SPINT1: variants seen among roughly 807,000 people sequenced by gnomAD.
SPINT1 encodes kunitz-type protease inhibitor 1.
SPINT1 carries 38 observed loss-of-function variants against 53.7 expected under a neutral mutation model. The observed-to-expected ratio is 0.71, with a 90% CI of 0.55 to 0.93. The LOEUF (loss-of-function observed/expected upper bound fraction) is 0.93, where lower values mean the gene tolerates loss of function less well. SPINT1 is among the 40% of genes least tolerant of loss of function. The pLI is 0.00. For missense variants in SPINT1, 645 were observed against 692.9 expected, an observed-to-expected ratio of 0.93 and a Z score of 0.78; for synonymous variants, 283 against 280.6, an observed-to-expected ratio of 1.01 and a Z score of -0.08.
intron 8 of SPINT1, 104 bp downstream of exon 8, chr15:40,854,793 T>C: frequency 6.9e-7 from 1 of 1,443,940 alleles, no homozygotes; most frequent in South Asian, 1.2e-5. Flanking sequence ...TGTACGGGCC[T>C]GTGGGCACAA....
rs779633506 is a variant in SPINT1 at position 40,844,855 on chromosome 15, C to G, written c.301C>G (p.Leu101Val). The G allele has an allele frequency of 1.2e-6, 2 of 1,613,898 alleles. No homozygotes were observed. Among genetic ancestry groups the G allele is most frequent in the South Asian group, 1.1e-5 (1 of 91,084 alleles). ...CCTTQNCNLA[L>V]VELQPDRGED... The stretch of plus-strand genomic sequence containing the variant: ...CACCACCCAGAACTGCAACTTGGCG[C>G]TAGTGGAGCTGCAGCCCGACCGCGG... The change falls in exon 2 of 11, where the codon CTA (leucine) becomes GTA (valine). Residue 101 changes from leucine (L) to valine (V), a missense_variant. Physicochemically the swap from Leu to Val is conservative, Grantham distance 32. Coordinates refer to ENST00000562057, the MANE Select transcript of SPINT1 (RefSeq NM_003710.4). This position sits in a 1 kb window ranked among gnomAD's most constrained non-coding sequence, Gnocchi z 5.8.
Position 40,854,486 on chromosome 15 carries a change from T to A in SPINT1, c.1030T>A (p.Cys344Ser), listed in dbSNP as rs1318923792. Residue 344 changes from cysteine (C) to serine (S), a missense_variant, in exon 7 of 11, where the codon TGC becomes AGC. Transcript: ENST00000562057. ...SFLECDDTPN[C>S]PDASDEAACE... is the part of the protein sequence containing the mutation. ...CCTGGAGTGTGACGACACCCCCAAC[T>A]GCCCCGACGCCTCCGACGAGGCTGC... 1 of 1,613,346 alleles carries A rather than the reference T, an allele frequency of 6.2e-7. No individual in the cohort carries two copies. Among genetic ancestry groups the A allele is most frequent in the Admixed American group, 1.7e-5 (1 of 59,846 alleles).
In SPINT1 at chr15:40,853,407, T is replaced by C. The variant is rs955874997; in HGVS notation, c.604-82T>C. 12 of 1,608,264 alleles carry C rather than the reference T, an allele frequency of 7.5e-6. No homozygotes were observed. The African/African-American group carries it at 1.5e-4, about 20-fold the overall frequency. Reference sequence around the variant, plus strand: ...CAACTCCCCCTGGCCTCCCCAGGGGTGTGGGTGTGTGTCTGGCCAGGCCTG... The same window carrying C: ...CAACTCCCCCTGGCCTCCCCAGGGGCGTGGGTGTGTGTCTGGCCAGGCCTG... On this transcript the variant is annotated intron_variant, in intron 3 of 10. Coordinates refer to ENST00000562057, the MANE Select transcript of SPINT1 (RefSeq NM_003710.4).
chr15:40,854,754 A>C, intron 8 of SPINT1, 65 bp downstream of exon 8: 3 of 1,597,528 alleles, frequency 1.9e-6, no homozygotes, highest in Non-Finnish European at 2.6e-6. Context: ...CACTATTTCC[A>C]TCCAGCAGTG....
chr15:40,851,233 A>C (rs1190874073), intron 2 of SPINT1, among the ~76,000 whole-genome samples: 2 of 145,630 alleles, frequency 1.4e-5, no homozygotes, highest in Admixed American at 6.9e-5. Context: ...GGCTCACTGC[A>C]CCCTCCGCCT....
At chr15:40,851,407 G>A (rs1037800298) in intron 2 of SPINT1, among the ~76,000 whole-genome samples, 5 of 152,004 alleles carry the variant, frequency 3.3e-5, no homozygotes, top group Non-Finnish European at 5.9e-5. Context: ...CGCCTTGGCC[G>A]CCCAAAGTGC....
At position 40,854,545 on chromosome 15, in the gene SPINT1, G is replaced by A. The variant is rs771417650; in HGVS notation, c.1066+23G>A. On this transcript the variant is annotated intron_variant, in intron 7 of 10. Transcript: ENST00000562057. ...AATGTGAGGCCTGGGGGATAGAGGG[G>A]GTTGGGCAGCAGACAGGGAGGTCCT... 2.5e-6 allele frequency: 4 copies of A among 1,613,478 alleles called. No homozygotes were observed. In the African/African-American group the frequency reaches 4.0e-5, roughly 16 times the overall value.
chr15:40,846,311 C>T (rs1891294700), intron 2 of SPINT1, among the ~76,000 whole-genome samples: 1 of 152,118 alleles, frequency 6.6e-6, no homozygotes, highest in South Asian at 2.1e-4. Context: ...GGTGGGGCTC[C>T]AGGGCAGGGG....
chr15:40,853,290 G>A (rs369410887), intron 3 of SPINT1, 39 bp downstream of exon 3: 13 of 1,612,768 alleles, frequency 8.1e-6, no homozygotes, highest in African/African-American at 1.3e-5. Flanking sequence ...CCCTCTGCCT[G>A]CCAGCCTTCT....
At chr15:40,849,218 T>C (rs1244658649) in intron 2 of SPINT1, among the ~76,000 whole-genome samples, 4 of 151,224 alleles carry the variant, frequency 2.6e-5, no homozygotes, top group Admixed American at 6.6e-5. Context: ...TGCCCTCCAG[T>C]CTGGGCAACA....
At position 40,844,217 on chromosome 15, in the gene SPINT1, G is replaced by A. The variant is rs1010343878; in HGVS notation, c.-66+31G>A. 12 of 423,750 alleles carry A rather than the reference G, an allele frequency of 2.8e-5. No individual in the cohort carries two copies. The highest frequency in any genetic ancestry group is 1.2e-4 in the South Asian group (6 of 48,090). 26.2% of individuals were successfully genotyped at this position (423,750 alleles called of 1,614,324 possible). A position where few individuals can be genotyped will look rare whatever the true frequency, so the allele number is the denominator to read the frequency against. ...CCGGGCCCCCGCGCGCAAGGCCGAGGCGCAGGCGGAGCGGGCTGGAGCATG... is the reference window on the plus strand; with the variant it reads ...CCGGGCCCCCGCGCGCAAGGCCGAGACGCAGGCGGAGCGGGCTGGAGCATG... On this transcript the variant is annotated intron_variant, in intron 1 of 10. Transcript: ENST00000562057. This position sits in a 1 kb window ranked among gnomAD's most constrained non-coding sequence, Gnocchi z 5.8.
At position 40,853,534 on chromosome 15, in the gene SPINT1, A is replaced by G; in HGVS notation, c.649A>G (p.Thr217Ala). ...GGAACTGTGGGGACTCAAGGAAGGC[A>G]CCTACCTGTTCCAGCTGACAGTGAC... ...QVELWGLKEG[T>A]YLFQLTVTSS... The change falls in exon 4 of 11, where the codon ACC (threonine) becomes GCC (alanine). Residue 217 changes from threonine (T) to alanine (A), a missense_variant. Thr to Ala is a moderately conservative substitution (Grantham distance 58, BLOSUM62 0). Transcript: ENST00000562057. 1.2e-6 allele frequency: 2 copies of G among 1,614,116 alleles called. No homozygotes were observed. The highest frequency in any genetic ancestry group is 1.7e-5 in the Admixed American group (1 of 60,016).
At chr15:40,853,273 G>C in intron 3 of SPINT1, 22 bp downstream of exon 3, 1 of 1,613,770 alleles carries the variant, frequency 6.2e-7, no homozygotes, top group Non-Finnish European at 8.5e-7. Context: ...GGCTGACTCT[G>C]ACCCCGCCCT....
chr15:40,845,318 ATTTT>A (rs34480117), intron 2 of SPINT1, among the ~76,000 whole-genome samples: 213 of 58,180 alleles, frequency 3.7e-3, no homozygotes, highest in Middle Eastern at 0.015. Context: ...GACCCGGCTA[ATTTT>A]TTTTTTTTTT....
At chr15:40,849,674 G>C (rs968096402) in intron 2 of SPINT1, among the ~76,000 whole-genome samples, 3 of 152,220 alleles carry the variant, frequency 2.0e-5, no homozygotes, top group African/African-American at 4.8e-5. Context: ...GTTTTGGAGA[G>C]AGCATTTGCT....
Position 40,844,805 on chromosome 15 carries a change from G to GA in SPINT1, c.251_252insA (p.Trp85LeufsTer111). 6.2e-7 allele frequency: 1 copy of GA among 1,613,480 alleles called. No individual in the cohort carries two copies. Among genetic ancestry groups the GA allele is most frequent in the Non-Finnish European group, 8.5e-7 (1 of 1,179,808 alleles). The stretch of plus-strand genomic sequence containing the variant: ...CTGGAGTCCCCCACCGTGCGCCGGG[G>GA]CTGGGACTGCGTGCGCGCCTGCTGC... On this transcript the variant is annotated frameshift_variant, in exon 2 of 11. Coordinates refer to ENST00000562057, the MANE Select transcript of SPINT1 (RefSeq NM_003710.4). LOFTEE classifies it high-confidence loss of function. This position sits in a 1 kb window ranked among gnomAD's most constrained non-coding sequence, Gnocchi z 5.8.
In SPINT1 at chr15:40,844,861, G is replaced by A. The variant is rs199965511; in HGVS notation, c.307G>A (p.Glu103Lys). ...CCAGAACTGCAACTTGGCGCTAGTG[G>A]AGCTGCAGCCCGACCGCGGGGAGGA... ...TTQNCNLALV[E>K]LQPDRGEDAI... The change falls in exon 2 of 11, where the codon GAG becomes AAG. Residue 103 changes from glutamate to lysine, a missense_variant. Transcript: ENST00000562057. The surrounding 1 kb of genome is among the most constrained non-coding windows in gnomAD (Gnocchi z 5.8). 98 of 1,613,776 alleles carry A rather than the reference G, an allele frequency of 6.1e-5. No homozygotes were observed. Among genetic ancestry groups the A allele is most frequent in the Admixed American group, 1.7e-4 (10 of 60,012 alleles).
chr15:40,858,008 C>T lies in SPINT1; in HGVS notation c.*1033C>T, dbSNP rs1333253029. ...GCACAGGCACCTTGGCTCCTACCTC[C>T]ATGTTAGGGCCCAGGTGACTAGCTG... is the stretch of plus-strand genomic sequence containing the variant. On this transcript the variant is annotated 3_prime_UTR_variant, in exon 11 of 11. Transcript: ENST00000562057. 1 of 152,156 alleles carries T rather than the reference C, an allele frequency of 6.6e-6. No homozygotes were observed. Among genetic ancestry groups the T allele is most frequent in the African/African-American group, 2.4e-5 (1 of 41,416 alleles). 9.4% of individuals were successfully genotyped at this position (152,156 alleles called of 1,614,324 possible).
rs1271025502 is a variant in SPINT1 at position 40,844,401 on chromosome 15, C to A, written c.-65-89C>A. On this transcript the variant is annotated intron_variant, in intron 1 of 10. Coordinates refer to ENST00000562057, the MANE Select transcript of SPINT1 (RefSeq NM_003710.4). The surrounding 1 kb of genome is among the most constrained non-coding windows in gnomAD (Gnocchi z 5.8). Reference sequence around the variant, plus strand: ...CTGGGGTGCTCCGGTCCCTCCTCCCCGCCACTTCCTCCCGGCCGGCCCGCC... The same window carrying A: ...CTGGGGTGCTCCGGTCCCTCCTCCCAGCCACTTCCTCCCGGCCGGCCCGCC... The A allele has an allele frequency of 2.4e-6, 2 of 834,878 alleles. No individual in the cohort carries two copies. The highest frequency in any genetic ancestry group is 3.4e-5 in the African/African-American group (2 of 58,346). 51.7% of individuals were successfully genotyped at this position (834,878 alleles called of 1,614,324 possible). A position where few individuals can be genotyped will look rare whatever the true frequency, so the allele number is the denominator to read the frequency against.
Sources: allele counts gnomAD v4.1 joint callset (sites outside exome capture counted in the v4.1 genomes callset), GRCh38; gene constraint gnomAD v4.1.1; non-coding constraint Gnocchi (gnomAD v3.1); transcripts MANE v1.5; gene names NCBI Gene and HGNC (gene_info 2026-07-23, HGNC 2026-07-21).